ARHGAP31: variants seen among roughly 807,000 people sequenced by gnomAD.
ARHGAP31 encodes Rho GTPase activating protein 31, also known as rho GTPase-activating protein 31.
A neutral mutation model predicts 113.9 loss-of-function variants in ARHGAP31; 34 were observed. That is an observed-to-expected ratio of 0.30 (90% CI 0.23 to 0.40). The LOEUF (loss-of-function observed/expected upper bound fraction) is 0.40, where lower values mean the gene tolerates loss of function less well. ARHGAP31 is among the 10% of genes least tolerant of loss of function. The pLI is 1.00. For missense variants in ARHGAP31, 1,548 were observed against 1,767.1 expected (o/e 0.88, Z 2.22); for synonymous variants, 650 against 684.8 (o/e 0.95, Z 0.79).
At chr3:119,351,421 G>A (rs559487363) in intron 1 of ARHGAP31, among the ~76,000 whole-genome samples, 7 of 152,240 alleles carry the variant, frequency 4.6e-5, no homozygotes, top group South Asian at 2.1e-4. Flanking sequence ...ATGAATTTTG[G>A]ATTCAAACAG....
At chr3:119,306,852 G>A (rs998143379) in intron 1 of ARHGAP31, among the ~76,000 whole-genome samples, 2 of 152,040 alleles carry the variant, frequency 1.3e-5, no homozygotes, top group South Asian at 2.1e-4. Context: ...GAAACGACAC[G>A]ATTTTTATTT....
At chr3:119,309,410 C>G (rs537997834) in intron 1 of ARHGAP31, among the ~76,000 whole-genome samples, 2 of 152,248 alleles carry the variant, frequency 1.3e-5, no homozygotes, top group East Asian at 3.9e-4. Flanking sequence ...TTGCCAGGCC[C>G]TGTGCAAATG....
chr3:119,405,532 C>T (rs532225364), intron 10 of ARHGAP31, among the ~76,000 whole-genome samples: 1 of 152,278 alleles, frequency 6.6e-6, no homozygotes, highest in African/African-American at 2.4e-5. Flanking sequence ...ACATCGTTTC[C>T]ACTGCCTCCC....
At chr3:119,393,837 A>C (rs2080525242) in intron 8 of ARHGAP31, among the ~76,000 whole-genome samples, 1 of 152,352 alleles carries the variant, frequency 6.6e-6, no homozygotes, top group South Asian at 2.1e-4. Context: ...ATAAGTTATC[A>C]AAGCCAAAAA....
intron 1 of ARHGAP31, among the ~76,000 whole-genome samples, chr3:119,364,350 T>G (rs1164664574): frequency 6.6e-6 from 1 of 152,212 alleles, no homozygotes; most frequent in East Asian, 1.9e-4. Flanking sequence ...CTTCGAATTT[T>G]TTTAAATCTA....
intron 2 of ARHGAP31, among the ~76,000 whole-genome samples, chr3:119,367,225 C>G (rs1476665997): frequency 6.6e-6 from 1 of 152,226 alleles, no homozygotes; most frequent in African/African-American, 2.4e-5. Context: ...GAATGGGCAG[C>G]GAGCTGTTTC....
intron 1 of ARHGAP31, among the ~76,000 whole-genome samples, chr3:119,321,458 A>G (rs893017444): frequency 2.7e-5 from 4 of 150,028 alleles, no homozygotes; most frequent in Admixed American, 1.3e-4. Flanking sequence ...ATGTAATTCT[A>G]TCACCCAAAG....
chr3:119,418,726 C>T lies in ARHGAP31; in HGVS notation c.*2462C>T, dbSNP rs2080799472. On this transcript the variant is annotated 3_prime_UTR_variant, in exon 12 of 12. Coordinates refer to ENST00000264245, the MANE Select transcript of ARHGAP31 (RefSeq NM_020754.4). ...TTTTAGACTCTGACATTTATAGCAT[C>T]ACCTTCAGGAACACAGTTCTGGGGA... The T allele has an allele frequency of 6.6e-6, 1 of 152,190 alleles. No individual in the cohort carries two copies. The highest frequency in any genetic ancestry group is 1.5e-5 in the Non-Finnish European group (1 of 68,032). The allele number at this position is 152,190 out of a possible 1,614,324, so 9.4% of individuals were successfully genotyped here. A position where few individuals can be genotyped will look rare whatever the true frequency, so the allele number is the denominator to read the frequency against.
Position 119,402,243 on chromosome 3 carries a change from C to A in ARHGAP31, c.1491C>A (p.Arg497=), listed in dbSNP as rs61747387. The A allele has an allele frequency of 3.7e-3, 6,053 of 1,614,246 alleles. 158 individuals carry two copies. In the African/African-American group the frequency reaches 0.065, roughly 17 times the overall value. The part of the protein sequence containing the change: ...SEPFAVSVPL[R]VSAVISTNST... ...CCTTTGCGGTATCTGTGCCGCTCCG[C>A]GTGTCCGCAGTCATCAGCACCAACA... The change falls in exon 10 of 12, where the codon CGC becomes CGA. Residue 497 remains arginine, a synonymous_variant. Coordinates refer to ENST00000264245, the MANE Select transcript of ARHGAP31 (RefSeq NM_020754.4).
At chr3:119,367,077 A>G (rs996877915) in intron 2 of ARHGAP31, among the ~76,000 whole-genome samples, 2 of 144,322 alleles carry the variant, frequency 1.4e-5, no homozygotes, top group African/African-American at 2.7e-5. Context: ...GGGCAACAAC[A>G]GTGAAACTCC....
At chr3:119,313,005 T>C (rs1286997806) in intron 1 of ARHGAP31, among the ~76,000 whole-genome samples, 1 of 152,228 alleles carries the variant, frequency 6.6e-6, no homozygotes, top group Admixed American at 6.5e-5. Context: ...TTCTGAAATA[T>C]GCTATTTTCA....
At chr3:119,308,685 A>G (rs928559849) in intron 1 of ARHGAP31, among the ~76,000 whole-genome samples, 2 of 152,216 alleles carry the variant, frequency 1.3e-5, no homozygotes, top group African/African-American at 2.4e-5. Flanking sequence ...AGAAGGTAAC[A>G]TATTCACAGG....
At position 119,399,238 on chromosome 3, in the gene ARHGAP31, C is replaced by T; in HGVS notation, c.1046C>T (p.Ser349Leu). ...ATCCGACCAGCTAAAAGCATGGACT[C>T]ACTATGTTCAGTGCCTGTGGAAGGT... ...ATIRPAKSMD[S>L]LCSVPVEGKE... Residue 349 changes from serine (S) to leucine (L), a missense_variant, in exon 9 of 12, where the codon TCA becomes TTA. Transcript: ENST00000264245. The T allele has an allele frequency of 3.7e-6, 6 of 1,613,670 alleles. No homozygotes were observed. The highest frequency in any genetic ancestry group is 5.1e-6 in the Non-Finnish European group (6 of 1,179,550).
chr3:119,321,265 CAT>C (rs570963601), intron 1 of ARHGAP31, among the ~76,000 whole-genome samples: 3 of 111,436 alleles, frequency 2.7e-5, no homozygotes. Flanking sequence ...AGCAATTTCA[CAT>C]ATATATATAT....
At chr3:119,334,489 TG>T (rs2079924833) in intron 1 of ARHGAP31, among the ~76,000 whole-genome samples, 1 of 152,236 alleles carries the variant, frequency 6.6e-6, no homozygotes, top group Non-Finnish European at 1.5e-5. Flanking sequence ...GCTTCAGCCT[TG>T]GGGCTTTGTG....
chr3:119,359,511 T>G (rs1213693369), intron 1 of ARHGAP31, among the ~76,000 whole-genome samples: 2 of 152,038 alleles, frequency 1.3e-5, no homozygotes, highest in Non-Finnish European at 2.9e-5. Flanking sequence ...TTTTCAACAT[T>G]TATTTAATTC....
intron 1 of ARHGAP31, among the ~76,000 whole-genome samples, chr3:119,354,672 G>A (rs947903992): frequency 6.8e-6 from 1 of 146,902 alleles, no homozygotes; most frequent in Admixed American, 6.9e-5. Context: ...CCACCATGCC[G>A]GGCTAATTTT....
rs1370898045 is a variant in ARHGAP31 at position 119,420,267 on chromosome 3, T to A, written c.*4003T>A. The stretch of plus-strand genomic sequence containing the variant: ...AATCTGATGACCACATGAATTGGGG[T>A]TAAGTGTTGCTAAGACTATGATTTT... On this transcript the variant is annotated 3_prime_UTR_variant, in exon 12 of 12. Transcript: ENST00000264245. The A allele has an allele frequency of 6.6e-6, 1 of 152,170 alleles. No individual in the cohort carries two copies. Among genetic ancestry groups the A allele is most frequent in the Non-Finnish European group, 1.5e-5 (1 of 68,042 alleles). The allele number at this position is 152,170 out of a possible 1,614,324, so 9.4% of individuals were successfully genotyped here.
intron 1 of ARHGAP31, among the ~76,000 whole-genome samples, chr3:119,311,526 C>T (rs1192992841): frequency 6.6e-6 from 1 of 152,212 alleles, no homozygotes; most frequent in Non-Finnish European, 1.5e-5. Flanking sequence ...GTAATATTCA[C>T]AGATTCTAGG....
Sources: gnomAD v4.1 joint callset for allele counts (sites outside exome capture counted in the v4.1 genomes callset) on GRCh38, gnomAD v4.1.1 for gene constraint, MANE v1.5 for transcripts, NCBI Gene and HGNC (gene_info 2026-07-23, HGNC 2026-07-21) for gene names.